Variants in EBF3 observed in about 807,000 individuals in gnomAD.
EBF3 encodes transcription factor COE3.
In EBF3, 18 loss-of-function variants were observed where a neutral mutation model predicts 77.1. The observed-to-expected ratio is 0.23, with a 90% CI of 0.16 to 0.35. The LOEUF (loss-of-function observed/expected upper bound fraction) is 0.35. EBF3 is among the 10% of genes least tolerant of loss of function. The pLI is 1.00. For missense variants in EBF3, 558 were observed against 860.0 expected (o/e 0.65, Z 4.39); for synonymous variants, 350 against 343.5 (o/e 1.02, Z -0.21).
rs960023630 is a variant in EBF3 at position 129,864,492 on chromosome 10, A to T, written c.1039+2649T>A. ...CTTTCAGCAATCTTCTTTCTTAAAA[A>T]AGTCTCATTTCTAACAATAGCTGTG... On this transcript the variant is annotated intron_variant, in intron 10 of 16. Coordinates refer to ENST00000440978, the MANE Select transcript of EBF3 (RefSeq NM_001375380.1). This position sits in a 1 kb window ranked among gnomAD's most constrained non-coding sequence, Gnocchi z 4.4. Among the ~76,000 whole-genome samples, 10 of 152,212 alleles carry T rather than the reference A, an allele frequency of 6.6e-5. No homozygotes were observed. Among genetic ancestry groups the T allele is most frequent in the African/African-American group, 2.2e-4 (9 of 41,462 alleles).
At chr10:129,956,942 G>T (rs1472744370) in intron 6 of EBF3, among the ~76,000 whole-genome samples, 2 of 152,196 alleles carry the variant, frequency 1.3e-5, no homozygotes, top group African/African-American at 4.8e-5. Context: ...TTAGCAAAAA[G>T]CATTTTATGA....
At chr10:129,925,214 C>A (rs1856587012) in intron 6 of EBF3, among the ~76,000 whole-genome samples, 1 of 150,638 alleles carries the variant, frequency 6.6e-6, no homozygotes. Context: ...CTGAGGCGGG[C>A]AGATCACCTG....
rs139693532 is a variant in EBF3, at chr10:129,906,389, G to C, written c.555-28540C>G. 1.2e-4 allele frequency among the ~76,000 whole-genome samples: 18 copies of C among 152,288 alleles called. No individual in the cohort carries two copies. The East Asian group carries it at 3.5e-3, about 29-fold the overall frequency. On this transcript the variant is annotated intron_variant, in intron 6 of 16. Coordinates refer to ENST00000440978, the MANE Select transcript of EBF3 (RefSeq NM_001375380.1). ...ATGCCCCTGTTCAGTACTATGTATA[G>C]ATCCCATTAAACTGCTGCAGATTCC...
chr10:129,941,068 T>C (rs932863432), intron 6 of EBF3, among the ~76,000 whole-genome samples: 10 of 152,182 alleles, frequency 6.6e-5, no homozygotes, highest in Admixed American at 5.9e-4. Flanking sequence ...GCCCACTCCC[T>C]GAATCTCTCT....
rs1859750505 is a variant in EBF3, at chr10:129,964,102, AG to A, written c.-335del. The A allele has an allele frequency of 1.0e-6, 1 of 985,008 alleles. No individual in the cohort carries two copies. The highest frequency in any genetic ancestry group is 4.7e-5 in the South Asian group (1 of 21,294). 61.0% of individuals were successfully genotyped at this position (985,008 alleles called of 1,614,324 possible). On this transcript the variant is annotated 5_prime_UTR_variant, in exon 1 of 17. Transcript: ENST00000440978. The surrounding 1 kb of genome is among the most constrained non-coding windows in gnomAD (Gnocchi z 4.5). Reference sequence around the variant, plus strand: ...CTAGCCAGGCGGCGTCCGCGGCTGCAGGACACTGCGGGATCGCCCGCTTCTG... The same window carrying A: ...CTAGCCAGGCGGCGTCCGCGGCTGCAGACACTGCGGGATCGCCCGCTTCTG...
chr10:129,917,024 A>G (rs1315834130), intron 6 of EBF3, among the ~76,000 whole-genome samples: 1 of 152,228 alleles, frequency 6.6e-6, no homozygotes, highest in Non-Finnish European at 1.5e-5. Context: ...AGTACAATAG[A>G]TTTGTAAAGA....
intron 6 of EBF3, among the ~76,000 whole-genome samples, chr10:129,895,934 G>A (rs375887417): frequency 6.6e-6 from 1 of 152,216 alleles, no homozygotes; most frequent in African/African-American, 2.4e-5. Context: ...TCACAGATGC[G>A]GCGTGTGGAG....
At chr10:129,917,301 C>T (rs78585387) in intron 6 of EBF3, among the ~76,000 whole-genome samples, 2,244 of 152,178 alleles carry the variant, frequency 0.015, 52 homozygotes, top group African/African-American at 0.051. Context: ...CCTGGGACAT[C>T]GCAGTTGCAG....
At chr10:129,845,130 G>A (rs1455321517) in intron 11 of EBF3, among the ~76,000 whole-genome samples, 1 of 152,162 alleles carries the variant, frequency 6.6e-6, no homozygotes, top group African/African-American at 2.4e-5. Flanking sequence ...TAATGAACCC[G>A]ACTTTCTGAG....
At chr10:129,891,771 T>C (rs1295191924) in intron 6 of EBF3, among the ~76,000 whole-genome samples, 2 of 152,184 alleles carry the variant, frequency 1.3e-5, no homozygotes, top group Non-Finnish European at 2.9e-5. Flanking sequence ...CAGCCCACTT[T>C]TGAGAATCCT....
intron 8 of EBF3, among the ~76,000 whole-genome samples, chr10:129,872,744 T>C (rs1852488625): frequency 6.6e-6 from 1 of 152,228 alleles, no homozygotes; most frequent in Non-Finnish European, 1.5e-5. Flanking sequence ...GGGGATGTGT[T>C]CAATTGTGGG....
At position 129,861,058 on chromosome 10, in the gene EBF3, G is replaced by A. The variant is rs985108476; in HGVS notation, c.1039+6083C>T. ...AGAGGGGACAGCAGTGACCCTGGAA[G>A]CCCTCCCGGCCCCACTCTTCAAAGG... On this transcript the variant is annotated intron_variant, in intron 10 of 16. Transcript: ENST00000440978. The surrounding 1 kb of genome is among the most constrained non-coding windows in gnomAD (Gnocchi z 4.3). Among the ~76,000 whole-genome samples the A allele has an allele frequency of 6.6e-6, 1 of 152,206 alleles. No individual in the cohort carries two copies. The highest frequency in any genetic ancestry group is 2.4e-5 in the African/African-American group (1 of 41,468).
intron 6 of EBF3, among the ~76,000 whole-genome samples, chr10:129,939,386 T>G (rs888986170): frequency 7.9e-5 from 12 of 152,210 alleles, no homozygotes; most frequent in African/African-American, 2.9e-4. Context: ...ACTCCAGACT[T>G]CATCAAAAAT....
chr10:129,880,393 G>A (rs183469745), intron 6 of EBF3, among the ~76,000 whole-genome samples: 1 of 150,726 alleles, frequency 6.6e-6, no homozygotes, highest in Non-Finnish European at 1.5e-5. Flanking sequence ...ACACACACAT[G>A]CCTACACATG....
chr10:129,892,202 G>C (rs1854066649), intron 6 of EBF3, among the ~76,000 whole-genome samples: 1 of 152,246 alleles, frequency 6.6e-6, no homozygotes, highest in African/African-American at 2.4e-5. Flanking sequence ...CTCTTAGTCG[G>C]GTTCCTCTTT....
intron 3 of EBF3, among the ~76,000 whole-genome samples, chr10:129,962,644 T>A (rs1214310970): frequency 2.0e-5 from 3 of 151,928 alleles, no homozygotes; most frequent in South Asian, 2.1e-4. Flanking sequence ...GTTTATGGAG[T>A]TACCCCCATC....
intron 16 of EBF3, among the ~76,000 whole-genome samples, chr10:129,838,174 C>T (rs1849740619): frequency 6.6e-6 from 1 of 152,228 alleles, no homozygotes. Context: ...CAGTCCTGCC[C>T]CTCCTGCAGC....
chr10:129,856,452 C>T (rs544275468), intron 10 of EBF3, among the ~76,000 whole-genome samples: 42 of 152,108 alleles, frequency 2.8e-4, no homozygotes, highest in Non-Finnish European at 3.2e-4. Flanking sequence ...CTGGAAAACA[C>T]GCAAAGTGAA....
rs565483702 is a variant in EBF3, at chr10:129,910,118, G to C, written c.555-32269C>G. 1.7e-4 allele frequency among the ~76,000 whole-genome samples: 26 copies of C among 152,302 alleles called. 1 individual carries two copies. The South Asian group carries it at 5.4e-3, about 32-fold the overall frequency. ...GCGCTAACGAGCCCGCCCGGGGCTG[G>C]AGCCCACTCGGACCGCCGGGCCAGG... On this transcript the variant is annotated intron_variant, in intron 6 of 16. Coordinates refer to ENST00000440978, the MANE Select transcript of EBF3 (RefSeq NM_001375380.1).
Sources: gnomAD v4.1 joint callset for allele counts (sites outside exome capture counted in the v4.1 genomes callset) on GRCh38, gnomAD v4.1.1 for gene constraint, Gnocchi (gnomAD v3.1) non-coding constraint, MANE v1.5 for transcripts, NCBI Gene and HGNC (gene_info 2026-07-23, HGNC 2026-07-21) for gene names.